The following P2RY12 variants were observed in gnomAD, a reference collection of about 807,000 sequenced individuals.
P2RY12 encodes the protein P2Y purinoceptor 12.
In P2RY12, 3 loss-of-function variants were observed where a neutral mutation model predicts 4.5. The observed-to-expected ratio is 0.67, with a 90% CI of 0.31 to 1.74. The LOEUF (loss-of-function observed/expected upper bound fraction) is 1.74. P2RY12 is among the 40% of genes most tolerant of loss of function. The pLI is 0.09. For synonymous variants in P2RY12, 148 were observed against 154.1 expected, an observed-to-expected ratio of 0.96 and a Z score of 0.29; for missense variants, 356 against 407.8, an observed-to-expected ratio of 0.87 and a Z score of 1.09.
chr3:151,373,832 A>G (rs1756489580), intron 1 of P2RY12, among the ~76,000 whole-genome samples: 2 of 152,160 alleles, frequency 1.3e-5, no homozygotes, highest in African/African-American at 2.4e-5. Context: ...GGAATCAACT[A>G]TTCCTCCAAG....
intron 1 of P2RY12, among the ~76,000 whole-genome samples, chr3:151,344,980 A>G (rs955759118): frequency 6.6e-6 from 1 of 152,220 alleles, no homozygotes; most frequent in Non-Finnish European, 1.5e-5. Context: ...GCAGACCTCA[A>G]TTCCTTTAAC....
chr3:151,355,461 C>G (rs1577418946), intron 1 of P2RY12, among the ~76,000 whole-genome samples: 1 of 151,976 alleles, frequency 6.6e-6, no homozygotes. Flanking sequence ...TGATAATAAT[C>G]GGTGACATAT....
intron 1 of P2RY12, among the ~76,000 whole-genome samples, chr3:151,361,697 G>A (rs931084831): frequency 1.3e-5 from 2 of 152,014 alleles, no homozygotes; most frequent in Admixed American, 6.6e-5. Flanking sequence ...ACAAATTACT[G>A]TAAGTGTGAG....
rs529471592 is a variant in P2RY12 at position 151,357,922 on chromosome 3, C to T, written c.-179-17162G>A. Among the ~76,000 whole-genome samples, 4 of 152,302 alleles carry T rather than the reference C, an allele frequency of 2.6e-5. No homozygotes were observed. In the South Asian group the frequency reaches 8.3e-4, roughly 32 times the overall value. ...CTACAGAATTAGCTAATACCACCCC[C>T]ATTAAAGACTGAGGCTAAGGCACCA... On this transcript the variant is annotated intron_variant, in intron 1 of 2. Transcript: ENST00000302632.
chr3:151,348,476 T>C (rs1240990906), intron 1 of P2RY12, among the ~76,000 whole-genome samples: 1 of 152,090 alleles, frequency 6.6e-6, no homozygotes, highest in Non-Finnish European at 1.5e-5. Context: ...GCTTATGTCA[T>C]TTGTATCCTA....
rs749499339 is a variant in P2RY12 at position 151,360,439 on chromosome 3, CTA to C, written c.-179-19681_-179-19680del. The C allele has an allele frequency of 2.6e-5, 42 of 1,599,696 alleles. No individual in the cohort carries two copies. In the South Asian group the frequency reaches 4.3e-4, roughly 16 times the overall value. The stretch of plus-strand genomic sequence containing the variant: ...AAATGATAACCCACATAGTACAAAT[CTA>C]TGTCTTATTTCTTCGTATATTTTTC... On this transcript the variant is annotated intron_variant, in intron 1 of 2. Transcript: ENST00000302632.
chr3:151,354,237 G>T (rs1405274497), intron 1 of P2RY12, among the ~76,000 whole-genome samples: 3 of 142,506 alleles, frequency 2.1e-5, no homozygotes, highest in Non-Finnish European at 3.0e-5. Context: ...ATTTGTCTTT[G>T]TAAACATAAA....
intron 1 of P2RY12, chr3:151,383,798 C>T (rs760256628): frequency 4.3e-6 from 7 of 1,610,790 alleles, no homozygotes; most frequent in Non-Finnish European, 5.9e-6. Flanking sequence ...ATGTTTGACA[C>T]GGTGCAGAGG....
intron 1 of P2RY12, among the ~76,000 whole-genome samples, chr3:151,368,918 T>C (rs1383596938): frequency 6.6e-6 from 1 of 151,744 alleles, no homozygotes; most frequent in East Asian, 1.9e-4. Context: ...TGCACCACCA[T>C]GCCTGGCAAA....
chr3:151,342,034 A>G (rs898323175), intron 1 of P2RY12, among the ~76,000 whole-genome samples: 6 of 152,282 alleles, frequency 3.9e-5, no homozygotes, highest in Admixed American at 1.3e-4. Context: ...GCCGCAATAA[A>G]CATACGTGTG....
In P2RY12 at chr3:151,337,752, C is replaced by T; in HGVS notation, c.*65G>A. On this transcript the variant is annotated 3_prime_UTR_variant, in exon 3 of 3. Coordinates refer to ENST00000302632, the MANE Select transcript of P2RY12 (RefSeq NM_022788.5). ...GCTTCTTCGTCAGTTAATATTTTTACTTAGCGCTTTGCTTTAACGAGTTCT... is the reference window on the plus strand; with the variant it reads ...GCTTCTTCGTCAGTTAATATTTTTATTTAGCGCTTTGCTTTAACGAGTTCT... The T allele has an allele frequency of 1.3e-6, 2 of 1,502,760 alleles. No homozygotes were observed. The highest frequency in any genetic ancestry group is 1.8e-6 in the Non-Finnish European group (2 of 1,086,488). 93.1% of individuals were successfully genotyped at this position (1,502,760 alleles called of 1,614,324 possible).
At position 151,337,735 on chromosome 3, in the gene P2RY12, G is replaced by A. The variant is rs1405123425; in HGVS notation, c.*82C>T. 17 of 1,379,524 alleles carry A rather than the reference G, an allele frequency of 1.2e-5. No individual in the cohort carries two copies. The highest frequency in any genetic ancestry group is 3.7e-5 in the Admixed American group (2 of 53,576). The allele number at this position is 1,379,524 out of a possible 1,614,324, so 85.5% of individuals were successfully genotyped here. A position where few individuals can be genotyped will look rare whatever the true frequency, so the allele number is the denominator to read the frequency against. On this transcript the variant is annotated 3_prime_UTR_variant, in exon 3 of 3. Coordinates refer to ENST00000302632, the MANE Select transcript of P2RY12 (RefSeq NM_022788.5). The stretch of plus-strand genomic sequence containing the variant: ...TTATTATTAACTTAGTTGCTTCTTC[G>A]TCAGTTAATATTTTTACTTAGCGCT...
chr3:151,338,647 CT>C lies in P2RY12; in HGVS notation c.198del (p.Val67SerfsTer7). On this transcript the variant is annotated frameshift_variant, in exon 3 of 3. Transcript: ENST00000302632. LOFTEE classifies it high-confidence loss of function. Reference protein sequence around the residue: ...KSNFIIFLKNTVISDLLMILT... With the variant: ...KSNFIIFLKNXVISDLLMILT... ...AGAATCATGAGAAGATCAGAAATGA[CT>C]GTGTTCTTAAGAAAAATAATAAAGT... The C allele has an allele frequency of 6.2e-7, 1 of 1,613,812 alleles. No individual in the cohort carries two copies. The highest frequency in any genetic ancestry group is 8.5e-7 in the Non-Finnish European group (1 of 1,179,912).
At chr3:151,372,877 C>A in intron 1 of P2RY12, 1 of 730,222 alleles carries the variant, frequency 1.4e-6, no homozygotes. Context: ...TTCTTGCTCA[C>A]TTTATTTCGA....
chr3:151,346,189 C>T (rs143736134), intron 1 of P2RY12, among the ~76,000 whole-genome samples: 290 of 152,106 alleles, frequency 1.9e-3, no homozygotes, highest in African/African-American at 6.8e-3. Flanking sequence ...CTTTTTTTCC[C>T]GATGGTCAAG....
intron 1 of P2RY12, chr3:151,376,822 G>A (rs752471685): frequency 1.9e-6 from 3 of 1,613,980 alleles, no homozygotes; most frequent in South Asian, 2.2e-5. Flanking sequence ...TGGACACTGA[G>A]GCAATCCTGG....
chr3:151,338,557 A>G lies in P2RY12; in HGVS notation c.289T>C (p.Cys97Arg). The G allele has an allele frequency of 6.2e-7, 1 of 1,613,920 alleles. No homozygotes were observed. ...TAAAATATGACGGAGGTAACTTGAC[A>G]CACAAAAGTTCTCAGTGGTCCTGTT... is the stretch of plus-strand genomic sequence containing the variant. ...LGTGPLRTFV[C>R]QVTSVIFYFT... The change falls in exon 3 of 3, where the codon TGT becomes CGT. Residue 97 changes from cysteine (C) to arginine (R), a missense_variant. Transcript: ENST00000302632.
chr3:151,337,893 G>A lies in P2RY12; in HGVS notation c.953C>T (p.Ser318Phe). Residue 318 changes from serine to phenylalanine, a missense_variant, in exon 3 of 3, where the codon TCT (serine) becomes TTT (phenylalanine). Physicochemically the swap from Ser to Phe is radical, Grantham distance 155. Transcript: ENST00000302632. ...ATTGTCCTGGGACAGAGATGTTGCA[G>A]AATTGGGGCACTTCAGCATACTTAT... ...SLISMLKCPN[S>F]ATSLSQDNRK... The A allele has an allele frequency of 1.2e-6, 2 of 1,614,158 alleles. No individual in the cohort carries two copies. The highest frequency in any genetic ancestry group is 1.3e-5 in the African/African-American group (1 of 75,052).
At chr3:151,361,261 G>A (rs1754579806) in intron 1 of P2RY12, among the ~76,000 whole-genome samples, 1 of 151,928 alleles carries the variant, frequency 6.6e-6, no homozygotes, top group African/African-American at 2.4e-5. Context: ...CAATTTTGCT[G>A]TTTAGCAGGT....
Sources: gnomAD v4.1 joint callset for allele counts (sites outside exome capture counted in the v4.1 genomes callset) on GRCh38, gnomAD v4.1.1 for gene constraint, MANE v1.5 for transcripts, NCBI Gene and HGNC (gene_info 2026-07-23, HGNC 2026-07-21) for gene names.